The following COL9A3 variants were observed in gnomAD, a reference collection of about 807,000 sequenced individuals.
The protein encoded by COL9A3 is collagen alpha-3(IX) chain.
In COL9A3, 82 loss-of-function variants were observed where a neutral mutation model predicts 110.2. The observed-to-expected ratio is 0.74, with a 90% CI of 0.62 to 0.89. The LOEUF is 0.89. Ranked by LOEUF, COL9A3 falls within the 40% of genes least tolerant of loss-of-function variation. COL9A3 has a pLI of 0.00. For missense variants in COL9A3, 1,066 were observed against 981.3 expected (o/e 1.09, Z -1.15); for synonymous variants, 494 against 403.8 (o/e 1.22, Z -2.68).
chr20:62,826,081 C>A, intron 13 of COL9A3, 123 bp from the exon 14 acceptor site: 1 of 1,194,390 alleles, frequency 8.4e-7, no homozygotes, highest in Non-Finnish European at 1.2e-6. Flanking sequence ...GGGACCTGAG[C>A]TGAGGCTGAG....
At chr20:62,836,565 G>A (rs759522268) in intron 29 of COL9A3, 33 bp downstream of exon 29, 30 of 1,422,570 alleles carry the variant, frequency 2.1e-5, no homozygotes, top group Non-Finnish European at 2.6e-5. Flanking sequence ...CTGCAGCGGG[G>A]CCCATCCCCG....
chr20:62,835,044 A>G (rs2063624644), intron 26 of COL9A3, among the ~76,000 whole-genome samples: 1 of 152,264 alleles, frequency 6.6e-6, no homozygotes, highest in African/African-American at 2.4e-5. Context: ...AGCCCCTTGC[A>G]GGCGGAAAAC....
At position 62,836,341 on chromosome 20, in the gene COL9A3, G is replaced by A. The variant is rs376918493; in HGVS notation, c.1548+8G>A. 2.9e-5 allele frequency: 46 copies of A among 1,613,624 alleles called. No individual in the cohort carries two copies. The highest frequency in any genetic ancestry group is 1.5e-4 in the African/African-American group (11 of 75,076). On this transcript the variant is annotated splice_region_variant and intron_variant, in intron 28 of 31. Transcript: ENST00000649368. Reference sequence around the variant, plus strand: ...GGGAAGCCGGGAGTTCCGGTACGTCGCTTTTCCGGCTTTTCCAGCTTTCAC... The same window carrying A: ...GGGAAGCCGGGAGTTCCGGTACGTCACTTTTCCGGCTTTTCCAGCTTTCAC...
At chr20:62,822,937 C>T (rs2063522958) in intron 10 of COL9A3, among the ~76,000 whole-genome samples, 1 of 152,238 alleles carries the variant, frequency 6.6e-6, no homozygotes, top group Admixed American at 6.5e-5. Flanking sequence ...CATCCAGCTC[C>T]CCTGCGTCAT....
intron 25 of COL9A3, chr20:62,832,707 C>T (rs1438301983): frequency 3.0e-6 from 1 of 328,868 alleles, no homozygotes; most frequent in Non-Finnish European, 5.8e-6. Context: ...TGCCTGCTCT[C>T]ACTTCTAGGC....
chr20:62,840,692 T>C lies in COL9A3; in HGVS notation c.2015T>C (p.Leu672Ser). ...CDTSACQGAV[L>S]GGVGEKSGSR... ...ACCTCAGCCTGCCAAGGAGCCGTGT[T>C]AGGAGGGGTCGGGGAGAAATCAGGC... The change falls in exon 32 of 32, where the codon TTA (leucine) becomes TCA (serine). Residue 672 changes from leucine (L) to serine (S), a missense_variant. Transcript: ENST00000649368. 9 of 1,597,844 alleles carry C rather than the reference T, an allele frequency of 5.6e-6. No homozygotes were observed. Among genetic ancestry groups the C allele is most frequent in the Non-Finnish European group, 7.7e-6 (9 of 1,172,376 alleles).
chr20:62,837,544 C>T (rs1008025502), intron 30 of COL9A3, among the ~76,000 whole-genome samples: 5 of 152,358 alleles, frequency 3.3e-5, no homozygotes, highest in African/African-American at 9.6e-5. Flanking sequence ...CGCGGTGGCT[C>T]ACGCCTGTAA....
chr20:62,822,098 A>G lies in COL9A3; in HGVS notation c.424-13A>G. 1 of 1,514,516 alleles carries G rather than the reference A, an allele frequency of 6.6e-7. No individual in the cohort carries two copies. Among genetic ancestry groups the G allele is most frequent in the Non-Finnish European group, 9.2e-7 (1 of 1,090,848 alleles). The allele number at this position is 1,514,516 out of a possible 1,614,324, so 93.8% of individuals were successfully genotyped here. A position where few individuals can be genotyped will look rare whatever the true frequency, so the allele number is the denominator to read the frequency against. ...GCTGGTCCCACTCTGTCTAAGTCATACCCCCTCCCCAGGGACCTTCTGGAC... is the reference window on the plus strand; with the variant it reads ...GCTGGTCCCACTCTGTCTAAGTCATGCCCCCTCCCCAGGGACCTTCTGGAC... On this transcript the variant is annotated splice_polypyrimidine_tract_variant and intron_variant, in intron 8 of 31. Transcript: ENST00000649368.
In COL9A3 at chr20:62,840,458, C is replaced by G; in HGVS notation, c.1865-84C>G. 2.4e-6 allele frequency: 3 copies of G among 1,271,242 alleles called. No homozygotes were observed. The Admixed American group carries it at 5.1e-5, about 21-fold the overall frequency. The allele number at this position is 1,271,242 out of a possible 1,614,324, so 78.7% of individuals were successfully genotyped here. A position where few individuals can be genotyped will look rare whatever the true frequency, so the allele number is the denominator to read the frequency against. On this transcript the variant is annotated intron_variant, in intron 31 of 31. Transcript: ENST00000649368. The stretch of plus-strand genomic sequence containing the variant: ...AGTGAAGAGTGAGCAGATGGAAGAG[C>G]AGGGCTTGCCCACAGCTGGATGTCA...
chr20:62,826,155 G>C, intron 13 of COL9A3, 49 bp from the exon 14 acceptor site: 2 of 1,538,128 alleles, frequency 1.3e-6, no homozygotes, highest in Non-Finnish European at 1.8e-6. Flanking sequence ...GGTGCTCCCC[G>C]GGGTGGAGGT....
At position 62,818,398 on chromosome 20, in the gene COL9A3, T is replaced by G. The variant is rs1991005888; in HGVS notation, c.148-120T>G. 9.1e-6 allele frequency: 9 copies of G among 984,364 alleles called. No homozygotes were observed. In the Admixed American group the frequency reaches 1.0e-4, roughly 11 times the overall value. 61.0% of individuals were successfully genotyped at this position (984,364 alleles called of 1,614,324 possible). A position where few individuals can be genotyped will look rare whatever the true frequency, so the allele number is the denominator to read the frequency against. ...GGATCGGGGGCTCAGGGGCCCCTTT[T>G]GTCTGCTGGGGCTGGGCCTCTGGGG... On this transcript the variant is annotated intron_variant, in intron 2 of 31. Transcript: ENST00000649368.
chr20:62,817,971 C>T (rs550487349), intron 2 of COL9A3: 7 of 407,130 alleles, frequency 1.7e-5, no homozygotes, highest in African/African-American at 6.1e-5. Context: ...GGTTGGGGGC[C>T]GGGGGTCTTG....
chr20:62,840,922 A>C lies in COL9A3; in HGVS notation c.*190A>C. On this transcript the variant is annotated 3_prime_UTR_variant, in exon 32 of 32. Coordinates refer to ENST00000649368, the MANE Select transcript of COL9A3 (RefSeq NM_001853.4). The stretch of plus-strand genomic sequence containing the variant: ...GGCTGTCGCCTGACAGCATACCTCA[A>C]AAGGCCCTAGCTAATAAACCTGTAA... 1.6e-6 allele frequency: 1 copy of C among 622,426 alleles called. No individual in the cohort carries two copies. 38.6% of individuals were successfully genotyped at this position (622,426 alleles called of 1,614,324 possible). A position where few individuals can be genotyped will look rare whatever the true frequency, so the allele number is the denominator to read the frequency against.
At chr20:62,821,647 C>G in intron 7 of COL9A3, 110 bp from the exon 8 acceptor site, 1 of 1,547,488 alleles carries the variant, frequency 6.5e-7, no homozygotes, top group South Asian at 1.1e-5. Context: ...GCCATCTGAC[C>G]ACCCCATACT....
intron 1 of COL9A3, 42 bp downstream of exon 1, chr20:62,817,184 C>T: frequency 7.6e-7 from 1 of 1,321,668 alleles, no homozygotes; most frequent in Non-Finnish European, 9.8e-7. Context: ...CGTGGAGCCG[C>T]GACCGCCCCA....
In COL9A3 at chr20:62,821,766, G is replaced by A. The variant is rs1347146027; in HGVS notation, c.379G>A (p.Gly127Arg). The change falls in exon 8 of 32, where the codon GGA becomes AGA. Residue 127 changes from glycine (G) to arginine (R), a missense_variant. By Grantham distance (125) the Gly-to-Arg change is moderately radical. Coordinates refer to ENST00000649368, the MANE Select transcript of COL9A3 (RefSeq NM_001853.4). ...KGLPGPPGEA[G>R]VSGPPGGIGL... The stretch of plus-strand genomic sequence containing the variant: ...CTTTACTTCCCTCCAGGGAGAGGCA[G>A]GAGTGAGCGGCCCCCCAGGTGGGAT... 3.7e-6 allele frequency: 6 copies of A among 1,610,580 alleles called. No homozygotes were observed. The highest frequency in any genetic ancestry group is 1.3e-5 in the African/African-American group (1 of 75,008).
chr20:62,821,351 G>A, intron 6 of COL9A3, 135 bp downstream of exon 6: 1 of 1,333,626 alleles, frequency 7.5e-7, no homozygotes, highest in South Asian at 1.2e-5. Context: ...GGAGGCTGGT[G>A]CCTGGATGGG....
At chr20:62,826,283 G>T in intron 14 of COL9A3, 26 bp downstream of exon 14, 1 of 1,544,820 alleles carries the variant, frequency 6.5e-7, no homozygotes. Flanking sequence ...CCTAGTGGGG[G>T]CCGGCCAGGT....
chr20:62,826,967 G>A, intron 15 of COL9A3, 147 bp downstream of exon 15: 1 of 870,036 alleles, frequency 1.1e-6, no homozygotes, highest in South Asian at 1.4e-5. Flanking sequence ...TTGTGGCATG[G>A]GTACGGGGGT....
Sources: gnomAD v4.1 joint callset for allele counts (sites outside exome capture counted in the v4.1 genomes callset) on GRCh38, gnomAD v4.1.1 for gene constraint, MANE v1.5 for transcripts, NCBI Gene and HGNC (gene_info 2026-07-23, HGNC 2026-07-21) for gene names.